LRRC45: variants seen among roughly 807,000 people sequenced by gnomAD.
The protein encoded by LRRC45 is leucine rich repeat containing 45.
LRRC45 carries 73 observed loss-of-function variants against 85.4 expected under a neutral mutation model. The observed-to-expected ratio is 0.85, with a 90% CI of 0.71 to 1.04. The LOEUF (loss-of-function observed/expected upper bound fraction) is 1.04. Among genes scored for constraint, LRRC45 ranks in the 50% least tolerant of loss-of-function variants. The pLI is 0.00. For synonymous variants in LRRC45, 429 were observed against 386.0 expected (o/e 1.11, Z -1.31); for missense variants, 937 against 883.3 (o/e 1.06, Z -0.77).
chr17:82,030,728 A>C lies in LRRC45; in HGVS notation c.1936A>C (p.Arg646=). The C allele has an allele frequency of 6.7e-7, 1 of 1,497,608 alleles. No individual in the cohort carries two copies. Among genetic ancestry groups the C allele is most frequent in the Non-Finnish European group, 9.0e-7 (1 of 1,113,514 alleles). The allele number at this position is 1,497,608 out of a possible 1,614,324, so 92.8% of individuals were successfully genotyped here. A position where few individuals can be genotyped will look rare whatever the true frequency, so the allele number is the denominator to read the frequency against. ...IARIRDEEAQ[R]ASFLQNAVLA... is the part of the protein sequence containing the mutation. Reference sequence around the variant, plus strand: ...CCGCATCCGGGACGAGGAGGCCCAGAGGGCGAGCTTCCTGCAGAACGCCGT... The same window carrying C: ...CCGCATCCGGGACGAGGAGGCCCAGCGGGCGAGCTTCCTGCAGAACGCCGT... Residue 646 remains arginine (R), a synonymous_variant, in exon 17 of 17, where the codon AGG becomes CGG. Transcript: ENST00000306688.
Position 82,028,778 on chromosome 17 carries a change from C to T in LRRC45, c.1308+95C>T. On this transcript the variant is annotated intron_variant, in intron 12 of 16. Coordinates refer to ENST00000306688, the MANE Select transcript of LRRC45 (RefSeq NM_144999.4). ...ACACACCTGGTGGGAGCTTCCCTTG[C>T]CAACCTTGGGTCACTGGGTGGCCGT... 3 of 1,372,346 alleles carry T rather than the reference C, an allele frequency of 2.2e-6. No homozygotes were observed. In the South Asian group the frequency reaches 4.0e-5, roughly 18 times the overall value. The allele number at this position is 1,372,346 out of a possible 1,614,324, so 85.0% of individuals were successfully genotyped here. A position where few individuals can be genotyped will look rare whatever the true frequency, so the allele number is the denominator to read the frequency against.
Position 82,030,421 on chromosome 17 carries a change from G to A in LRRC45, c.1771G>A (p.Glu591Lys). 2 of 1,549,180 alleles carry A rather than the reference G, an allele frequency of 1.3e-6. No individual in the cohort carries two copies. Among genetic ancestry groups the A allele is most frequent in the South Asian group, 1.2e-5 (1 of 84,046 alleles). Residue 591 changes from glutamate (E) to lysine (K), a missense_variant, in exon 16 of 17, where the codon GAG (glutamate) becomes AAG (lysine). Transcript: ENST00000306688. ...GRLQAELAAQ[E>K]ALREKAAALE... Reference sequence around the variant, plus strand: ...GCTGCAGGCGGAGCTGGCGGCTCAGGAGGCGCTGAGGGAGAAGGCGGCGGC... The same window carrying A: ...GCTGCAGGCGGAGCTGGCGGCTCAGAAGGCGCTGAGGGAGAAGGCGGCGGC...
At chr17:82,027,293 A>G (rs2144144103) in intron 6 of LRRC45, 93 bp from the exon 7 acceptor site, 1 of 1,494,716 alleles carries the variant, frequency 6.7e-7, no homozygotes. Context: ...CTGCCTTGCC[A>G]CATTGGTGGG....
In LRRC45 at chr17:82,028,217, C is replaced by A; in HGVS notation, c.1048-17C>A. The A allele has an allele frequency of 6.4e-7, 1 of 1,565,466 alleles. No homozygotes were observed. Among genetic ancestry groups the A allele is most frequent in the South Asian group, 1.2e-5 (1 of 85,598 alleles). On this transcript the variant is annotated splice_polypyrimidine_tract_variant and intron_variant, in intron 9 of 16. Transcript: ENST00000306688. ...GGCTTCGTGACCCTCACTACCCATA[C>A]CCCGTTCCCCTCCCAGGAAGCTGCA...
Position 82,027,410 on chromosome 17 carries a change from G to C in LRRC45, c.799G>C (p.Asp267His). ...KQFLDLMETI[D>H]KQREEMAKSS... ...GTTCCTCGACTTGATGGAGACTATTGATAAGCAGCGAGAAGAGATGGCCAA... is the reference window on the plus strand; with the variant it reads ...GTTCCTCGACTTGATGGAGACTATTCATAAGCAGCGAGAAGAGATGGCCAA... The change falls in exon 7 of 17, where the codon GAT (aspartate) becomes CAT (histidine). Residue 267 changes from aspartate (D) to histidine (H), a missense_variant. Physicochemically the swap from Asp to His is moderately conservative, Grantham distance 81 (BLOSUM62 -1). Transcript: ENST00000306688. 3.1e-6 allele frequency: 5 copies of C among 1,612,694 alleles called. No individual in the cohort carries two copies. Among genetic ancestry groups the C allele is most frequent in the Non-Finnish European group, 4.2e-6 (5 of 1,179,950 alleles).
Position 82,025,485 on chromosome 17 carries a change from TG to T in LRRC45, c.641del (p.Gly214GlufsTer49). On this transcript the variant is annotated frameshift_variant, in exon 5 of 17. Coordinates refer to ENST00000306688, the MANE Select transcript of LRRC45 (RefSeq NM_144999.4). LOFTEE classifies it high-confidence loss of function. ...RLDLAGNNIP[G>X]DVLRAVEQAM... Reference sequence around the variant, plus strand: ...TGGACCTGGCTGGGAACAACATCCCTGGAGACGTCCTCAGAGCCGTGGGTAC... The same window carrying T: ...TGGACCTGGCTGGGAACAACATCCCTGAGACGTCCTCAGAGCCGTGGGTAC... 6.2e-7 allele frequency: 1 copy of T among 1,607,634 alleles called. No homozygotes were observed. The highest frequency in any genetic ancestry group is 8.5e-7 in the Non-Finnish European group (1 of 1,177,018).
intron 5 of LRRC45, among the ~76,000 whole-genome samples, chr17:82,026,564 TTGTG>T (rs550616399): frequency 0.019 from 2,546 of 137,546 alleles, 29 homozygotes; most frequent in Non-Finnish European, 0.029. Context: ...CACAGCTCCT[TTGTG>T]TGTGTGTGTG....
intron 2 of LRRC45, 104 bp downstream of exon 2, chr17:82,024,443 G>A (rs2043347634): frequency 7.2e-7 from 1 of 1,387,326 alleles, no homozygotes; most frequent in Middle Eastern, 1.8e-4. Flanking sequence ...CAGGTGGCTG[G>A]AAGCTGTCTG....
chr17:82,030,724 C>G lies in LRRC45; in HGVS notation c.1932C>G (p.Ala644=). Residue 644 remains alanine (A), a synonymous_variant, in exon 17 of 17, where the codon GCC becomes GCG. Coordinates refer to ENST00000306688, the MANE Select transcript of LRRC45 (RefSeq NM_144999.4). ...TCGCCCGCATCCGGGACGAGGAGGC[C>G]CAGAGGGCGAGCTTCCTGCAGAACG... The part of the protein sequence containing the change: ...AEIARIRDEE[A]QRASFLQNAV... The G allele has an allele frequency of 6.7e-7, 1 of 1,499,558 alleles. No homozygotes were observed. The highest frequency in any genetic ancestry group is 2.6e-5 in the East Asian group (1 of 39,010). 92.9% of individuals were successfully genotyped at this position (1,499,558 alleles called of 1,614,324 possible).
Position 82,025,007 on chromosome 17 carries a change from C to G in LRRC45, c.361C>G (p.Leu121Val). The stretch of plus-strand genomic sequence containing the variant: ...CTTCTGCCCCTCCTGCAGCCTCACG[C>G]TGGAGTGGAACAGCCTGGGCACGTG... Reference protein sequence around the residue: ...QQNKSIQSLTLEWNSLGTWDD... With the variant: ...QQNKSIQSLTVEWNSLGTWDD... The change falls in exon 4 of 17, where the codon CTG becomes GTG. Residue 121 changes from leucine to valine, a missense_variant. Transcript: ENST00000306688. 5 of 1,582,632 alleles carry G rather than the reference C, an allele frequency of 3.2e-6. No homozygotes were observed. The highest frequency in any genetic ancestry group is 4.3e-6 in the Non-Finnish European group (5 of 1,163,652).
Position 82,024,991 on chromosome 17 carries a change from C to T in LRRC45, c.354-9C>T. 4 of 1,558,020 alleles carry T rather than the reference C, an allele frequency of 2.6e-6. No homozygotes were observed. The highest frequency in any genetic ancestry group is 3.5e-6 in the Non-Finnish European group (4 of 1,150,230). ...CCTAGGTGAACACTGGCTTCTGCCC[C>T]TCCTGCAGCCTCACGCTGGAGTGGA... On this transcript the variant is annotated splice_polypyrimidine_tract_variant and intron_variant, in intron 3 of 16. Transcript: ENST00000306688.
intron 5 of LRRC45, among the ~76,000 whole-genome samples, chr17:82,025,846 T>TTGGCCA (rs2043363493): frequency 6.6e-6 from 1 of 152,132 alleles, no homozygotes; most frequent in South Asian, 2.1e-4. Context: ...GGTCTTGGCC[T>TTGGCCA]TGGCCAGGAA....
intron 8 of LRRC45, 34 bp from the exon 9 acceptor site, chr17:82,027,977 A>G (rs1330981717): frequency 1.1e-5 from 18 of 1,568,098 alleles, no homozygotes; most frequent in Middle Eastern, 2.2e-4. Context: ...TGAAACTCCA[A>G]CCGGGGCGGG....
chr17:82,029,032 T>A (rs752549633), intron 12 of LRRC45, 61 bp from the exon 13 acceptor site: 1 of 1,481,472 alleles, frequency 6.8e-7, no homozygotes, highest in Non-Finnish European at 9.3e-7. Flanking sequence ...GGGGAGTCCG[T>A]GAGGAGAAGG....
intron 14 of LRRC45, 90 bp from the exon 15 acceptor site, chr17:82,029,975 C>A: frequency 7.1e-7 from 1 of 1,408,022 alleles, no homozygotes; most frequent in Non-Finnish European, 9.4e-7. Flanking sequence ...GCCAGTCCTG[C>A]AGAGAGGTGG....
chr17:82,025,570 CG>C (rs2043361625), intron 5 of LRRC45, 63 bp downstream of exon 5: 2 of 1,456,356 alleles, frequency 1.4e-6, no homozygotes, highest in African/African-American at 2.8e-5. Flanking sequence ...CCACCGAGGG[CG>C]GGGTGCCGGG....
rs1162627716 is a variant in LRRC45 at position 82,028,525 on chromosome 17, C to T, written c.1237+17C>T. The stretch of plus-strand genomic sequence containing the variant: ...AGGCCGAGGGTGGGCACGGGCAGGC[C>T]TGCTGTGGAGGGGCCTGGGGATGGG... On this transcript the variant is annotated intron_variant, in intron 11 of 16. Coordinates refer to ENST00000306688, the MANE Select transcript of LRRC45 (RefSeq NM_144999.4). 1 of 1,611,936 alleles carries T rather than the reference C, an allele frequency of 6.2e-7. No individual in the cohort carries two copies. The highest frequency in any genetic ancestry group is 8.5e-7 in the Non-Finnish European group (1 of 1,179,588).
chr17:82,028,996 C>A, intron 12 of LRRC45, 97 bp from the exon 13 acceptor site: 2 of 1,138,236 alleles, frequency 1.8e-6, no homozygotes, highest in Non-Finnish European at 2.5e-6. Context: ...GAACAAGGTT[C>A]TCAAGAGACA....
At position 82,028,592 on chromosome 17, in the gene LRRC45, C is replaced by T. The variant is rs755608167; in HGVS notation, c.1238-21C>T. 3.7e-6 allele frequency: 6 copies of T among 1,612,568 alleles called. No individual in the cohort carries two copies. In the East Asian group the frequency reaches 1.3e-4, roughly 36 times the overall value. ...CCCCCAGGGGATGCTCACGCATACT[C>T]TGCCCACCCTGGGCTTCCAGAGCGC... On this transcript the variant is annotated intron_variant, in intron 11 of 16. Transcript: ENST00000306688.
Sources: allele counts gnomAD v4.1 joint callset (sites outside exome capture counted in the v4.1 genomes callset), GRCh38; gene constraint gnomAD v4.1.1; transcripts MANE v1.5; gene names NCBI Gene and HGNC (gene_info 2026-07-23, HGNC 2026-07-21).